Variants in CSMD1 observed in about 807,000 individuals in gnomAD.
CSMD1 encodes CUB and sushi domain-containing protein 1.
CSMD1 carries 213 observed loss-of-function variants against 417.5 expected under a neutral mutation model. The observed-to-expected ratio is 0.51, with a 90% CI of 0.46 to 0.57. The LOEUF is 0.57. Ranked by LOEUF, CSMD1 falls within the 20% of genes least tolerant of loss-of-function variation. The pLI is 0.00. For synonymous variants in CSMD1, 2,862 were observed against 1,736.8 expected (o/e 1.65, Z -16.11); for missense variants, 6,923 against 4,529.7 (o/e 1.53, Z -15.17).
At chr8:3,651,801 G>A (rs528060114) in intron 7 of CSMD1, among the ~76,000 whole-genome samples, 82 of 144,226 alleles carry the variant, frequency 5.7e-4, no homozygotes, top group Non-Finnish European at 9.4e-4. Context: ...CACCACCATC[G>A]CACTTACCAC....
At chr8:4,123,753 C>T (rs941589266) in intron 3 of CSMD1, among the ~76,000 whole-genome samples, 3 of 152,064 alleles carry the variant, frequency 2.0e-5, no homozygotes, top group African/African-American at 4.8e-5. Context: ...TGTGTTTATG[C>T]TGTGATAATT....
intron 6 of CSMD1, among the ~76,000 whole-genome samples, chr8:3,711,287 C>T (rs1201916076): frequency 4.6e-5 from 7 of 152,090 alleles, no homozygotes; most frequent in Non-Finnish European, 7.4e-5. Flanking sequence ...CATGAATAGA[C>T]CACAGGGATC....
At position 4,197,089 on chromosome 8, in the gene CSMD1, C is replaced by T. The variant is rs927563206; in HGVS notation, c.416-164990G>A. Among the ~76,000 whole-genome samples, 5 of 152,214 alleles carry T rather than the reference C, an allele frequency of 3.3e-5. No individual in the cohort carries two copies. The East Asian group carries it at 9.7e-4, about 29-fold the overall frequency. ...TTGTGTTCTATGGGAAATGAAACAT[C>T]AAGATGAAGACAATGCAAAGTGTGT... On this transcript the variant is annotated intron_variant, in intron 3 of 69. Transcript: ENST00000635120.
At chr8:4,275,436 A>G (rs1392418130) in intron 3 of CSMD1, among the ~76,000 whole-genome samples, 2 of 152,136 alleles carry the variant, frequency 1.3e-5, no homozygotes, top group Non-Finnish European at 2.9e-5. Context: ...TGTGTGCATG[A>G]TACTATGGCC....
At chr8:3,544,281 T>A (rs138874281) in intron 10 of CSMD1, among the ~76,000 whole-genome samples, 18 of 152,298 alleles carry the variant, frequency 1.2e-4, no homozygotes, top group African/African-American at 1.7e-4. Context: ...GCGTTCTTAA[T>A]TTTGCTTTAA....
chr8:3,975,114 A>T (rs542216062), intron 5 of CSMD1, among the ~76,000 whole-genome samples: 33 of 152,278 alleles, frequency 2.2e-4, no homozygotes, highest in African/African-American at 7.2e-4. Flanking sequence ...TAACTTGAAA[A>T]CCACTATGCA....
At chr8:3,654,376 C>T (rs1023026480) in intron 7 of CSMD1, among the ~76,000 whole-genome samples, 1 of 152,102 alleles carries the variant, frequency 6.6e-6, no homozygotes, top group Non-Finnish European at 1.5e-5. Context: ...TAGTTTTAGA[C>T]TGCGTATAAA....
intron 26 of CSMD1, among the ~76,000 whole-genome samples, chr8:3,268,199 C>T (rs920150793): frequency 1.3e-5 from 2 of 150,724 alleles, no homozygotes; most frequent in African/African-American, 4.9e-5. Flanking sequence ...AAGTTTGTTG[C>T]TTCAGAATGA....
At chr8:3,958,314 C>G (rs58356624) in intron 5 of CSMD1, among the ~76,000 whole-genome samples, 23 of 49,296 alleles carry the variant, frequency 4.7e-4, no homozygotes, top group Non-Finnish European at 8.5e-4. Context: ...TTTTTTTAAA[C>G]TCTCTCTTTT....
intron 3 of CSMD1, among the ~76,000 whole-genome samples, chr8:4,069,078 T>G (rs1799408492): frequency 6.6e-6 from 1 of 152,210 alleles, no homozygotes; most frequent in South Asian, 2.1e-4. Context: ...TAAAACAATT[T>G]TATTAGACTT....
chr8:3,977,004 C>CGTGA, intron 5 of CSMD1, among the ~76,000 whole-genome samples: 1 of 152,074 alleles, frequency 6.6e-6, no homozygotes, highest in Admixed American at 6.6e-5. Context: ...TGGGTGGGGG[C>CGTGA]GTGAAGGTGC....
At chr8:4,016,433 G>C (rs904481065) in intron 4 of CSMD1, among the ~76,000 whole-genome samples, 3 of 152,156 alleles carry the variant, frequency 2.0e-5, no homozygotes, top group African/African-American at 4.8e-5. Flanking sequence ...GCTGCACTGA[G>C]CCTGTCTCTT....
At chr8:3,757,199 C>G (rs1474959839) in intron 5 of CSMD1, among the ~76,000 whole-genome samples, 1 of 152,188 alleles carries the variant, frequency 6.6e-6, no homozygotes, top group Non-Finnish European at 1.5e-5. Flanking sequence ...TTACCCTCAT[C>G]TGTATTTCCA....
At chr8:4,690,641 C>T (rs1806709254) in intron 1 of CSMD1, among the ~76,000 whole-genome samples, 1 of 152,054 alleles carries the variant, frequency 6.6e-6, no homozygotes. Context: ...TTCACACAAT[C>T]CTTTTGTGAA....
chr8:3,487,498 G>A (rs555991845), intron 11 of CSMD1, among the ~76,000 whole-genome samples: 1 of 152,168 alleles, frequency 6.6e-6, no homozygotes, highest in African/African-American at 2.4e-5. Flanking sequence ...ACCATGCCCG[G>A]CCTATCAGTA....
intron 49 of CSMD1, among the ~76,000 whole-genome samples, chr8:3,066,055 AG>A (rs1281823733): frequency 6.6e-6 from 1 of 152,186 alleles, no homozygotes; most frequent in East Asian, 1.9e-4. Flanking sequence ...ATATTTCCAA[AG>A]GTTACAGAAA....
At chr8:4,801,700 G>A (rs573054450) in intron 1 of CSMD1, among the ~76,000 whole-genome samples, 7 of 151,712 alleles carry the variant, frequency 4.6e-5, no homozygotes, top group African/African-American at 1.7e-4. Context: ...TCTACACAAG[G>A]CAGCCTAAAC....
At chr8:3,762,567 G>C (rs1485710098) in intron 5 of CSMD1, among the ~76,000 whole-genome samples, 1 of 152,212 alleles carries the variant, frequency 6.6e-6, no homozygotes, top group Non-Finnish European at 1.5e-5. Context: ...ACTCCATTTG[G>C]TATCACAGCC....
intron 3 of CSMD1, among the ~76,000 whole-genome samples, chr8:4,360,362 C>G (rs1375730756): frequency 6.6e-6 from 1 of 152,146 alleles, no homozygotes; most frequent in South Asian, 2.1e-4. Flanking sequence ...TAACACATGC[C>G]TCTTTACCCT....
Sources: allele counts gnomAD v4.1 joint callset (sites outside exome capture counted in the v4.1 genomes callset), GRCh38; gene constraint gnomAD v4.1.1; transcripts MANE v1.5; gene names NCBI Gene and HGNC (gene_info 2026-07-23, HGNC 2026-07-21).